The following FBXW2 variants were observed in gnomAD, a reference collection of about 807,000 sequenced individuals.
FBXW2 encodes F-box and WD repeat domain containing 2.
Under a neutral mutation model 46.0 loss-of-function variants are expected in FBXW2, and 12 were observed. The ratio of observed to expected loss-of-function variants is 0.26; its 90% confidence interval spans 0.17 to 0.42. FBXW2 has a LOEUF of 0.42. Ranked by LOEUF, FBXW2 falls within the 10% of genes least tolerant of loss-of-function variation. The pLI, the probability that FBXW2 is intolerant of heterozygous loss-of-function variation, is 1.00. For synonymous variants in FBXW2, 203 were observed against 209.6 expected (o/e 0.97, Z 0.27); for missense variants, 360 against 537.0 (o/e 0.67, Z 3.26).
At chr9:120,781,540 T>C (rs993160524) in intron 3 of FBXW2, among the ~76,000 whole-genome samples, 11 of 151,576 alleles carry the variant, frequency 7.3e-5, no homozygotes, top group African/African-American at 2.7e-4. Flanking sequence ...GGAAAAAGGT[T>C]TGAAGGGGGG....
intron 7 of FBXW2, 116 bp downstream of exon 7, chr9:120,771,232 T>A (rs2044368947): frequency 1.2e-6 from 1 of 847,346 alleles, no homozygotes; most frequent in Non-Finnish European, 1.8e-6. Flanking sequence ...AGTGATACAG[T>A]ATACATTTCC....
chr9:120,761,273 C>T lies in FBXW2; in HGVS notation c.*3286G>A, dbSNP rs1477108687. On this transcript the variant is annotated 3_prime_UTR_variant, in exon 8 of 8. Transcript: ENST00000608872. ...CAGCTCTCCTGGATCCCTGTCCACACCATGAAGCCTGAAGTTGTTATGATG... is the reference window on the plus strand; with the variant it reads ...CAGCTCTCCTGGATCCCTGTCCACATCATGAAGCCTGAAGTTGTTATGATG... 4 of 152,218 alleles carry T rather than the reference C, an allele frequency of 2.6e-5. No homozygotes were observed. In the South Asian group the frequency reaches 6.2e-4, roughly 24 times the overall value. The allele number at this position is 152,218 out of a possible 1,614,324, so 9.4% of individuals were successfully genotyped here. A position where few individuals can be genotyped will look rare whatever the true frequency, so the allele number is the denominator to read the frequency against.
intron 6 of FBXW2, among the ~76,000 whole-genome samples, chr9:120,772,156 T>C (rs1039266208): frequency 1.1e-4 from 17 of 151,478 alleles, no homozygotes; most frequent in South Asian, 2.1e-4. Flanking sequence ...TATGTTTTCA[T>C]AGTTCAGATC....
chr9:120,785,598 C>T (rs1458963317), intron 3 of FBXW2, among the ~76,000 whole-genome samples: 5 of 152,042 alleles, frequency 3.3e-5, no homozygotes, highest in Admixed American at 6.5e-5. Context: ...CATTGTAAAA[C>T]GGTCTTGAGA....
In FBXW2 at chr9:120,764,817, C is replaced by T. The variant is rs368306574; in HGVS notation, c.1107G>A (p.Leu369=). ...AGATATCTCCAAAGCCAAGCAAGGCCAAGTTTGCTATCTCAGGAGTCTTGA... is the reference window on the plus strand; with the variant it reads ...AGATATCTCCAAAGCCAAGCAAGGCTAAGTTTGCTATCTCAGGAGTCTTGA... ...RVIKTPEIAN[L]ALLGFGDIFA... is the part of the protein sequence containing the mutation. The change falls in exon 8 of 8, where the codon TTG becomes TTA. Residue 369 remains leucine (L), a synonymous_variant. Transcript: ENST00000608872. The T allele has an allele frequency of 2.3e-5, 36 of 1,597,306 alleles. No homozygotes were observed. Among genetic ancestry groups the T allele is most frequent in the African/African-American group, 1.6e-4 (12 of 74,790 alleles).
At chr9:120,775,264 G>A (rs950000862) in intron 5 of FBXW2, among the ~76,000 whole-genome samples, 2 of 152,092 alleles carry the variant, frequency 1.3e-5, no homozygotes, top group African/African-American at 4.8e-5. Context: ...GGCTGGCCTC[G>A]AACTCCTGGG....
intron 3 of FBXW2, among the ~76,000 whole-genome samples, chr9:120,786,568 T>C (rs2044727826): frequency 6.6e-6 from 1 of 152,204 alleles, no homozygotes; most frequent in Non-Finnish European, 1.5e-5. Flanking sequence ...TATGCATTAA[T>C]ATGGAAATGG....
intron 3 of FBXW2, 76 bp from the exon 4 acceptor site, chr9:120,778,621 G>T: frequency 7.7e-7 from 1 of 1,291,854 alleles, no homozygotes; most frequent in Non-Finnish European, 1.1e-6. Flanking sequence ...AAATCATGGT[G>T]TTCTTCAAGA....
chr9:120,762,419 T>TA lies in FBXW2; in HGVS notation c.*2139dup, dbSNP rs2044210589. On this transcript the variant is annotated 3_prime_UTR_variant, in exon 8 of 8. Coordinates refer to ENST00000608872, the MANE Select transcript of FBXW2 (RefSeq NM_012164.4). ...AAAGTCTCCTGGGGCTTCTGCAAAA[T>TA]AGATTCAGTTGTGATTCCGGTTCTA... 6.6e-6 allele frequency: 1 copy of TA among 152,016 alleles called. No individual in the cohort carries two copies. Among genetic ancestry groups the TA allele is most frequent in the Non-Finnish European group, 1.5e-5 (1 of 68,020 alleles). The allele number at this position is 152,016 out of a possible 1,614,324, so 9.4% of individuals were successfully genotyped here.
intron 6 of FBXW2, among the ~76,000 whole-genome samples, chr9:120,772,544 ATTTC>A (rs2044402449): frequency 6.6e-6 from 1 of 152,140 alleles, no homozygotes; most frequent in African/African-American, 2.4e-5. Flanking sequence ...ATTTATGTGA[ATTTC>A]TTTTTCATTT....
At chr9:120,791,334 T>C (rs1048007872) in intron 2 of FBXW2, among the ~76,000 whole-genome samples, 1 of 152,204 alleles carries the variant, frequency 6.6e-6, no homozygotes, top group African/African-American at 2.4e-5. Context: ...TCAAGGACAG[T>C]TGGACACAGA....
chr9:120,791,905 G>A (rs2131389781), intron 2 of FBXW2, among the ~76,000 whole-genome samples: 1 of 152,216 alleles, frequency 6.6e-6, no homozygotes, highest in East Asian at 1.9e-4. Context: ...AGTGGGTCAT[G>A]CAACAAAAAG....
At chr9:120,768,555 G>C (rs1002590455) in intron 7 of FBXW2, among the ~76,000 whole-genome samples, 3 of 152,128 alleles carry the variant, frequency 2.0e-5, no homozygotes, top group African/African-American at 7.2e-5. Flanking sequence ...AGCCGGGTGC[G>C]GTGGCTCATG....
In FBXW2 at chr9:120,793,132, T is replaced by A. The variant is rs1379076140; in HGVS notation, c.-21+17A>T. The stretch of plus-strand genomic sequence containing the variant: ...CAGGTCCCTTGCTCTCGGAATCGTG[T>A]TCCGCGCGGCACTGACCTGAGCGAG... On this transcript the variant is annotated intron_variant, in intron 2 of 7. Transcript: ENST00000608872. The A allele has an allele frequency of 1.5e-6, 1 of 665,000 alleles. No homozygotes were observed. The highest frequency in any genetic ancestry group is 2.6e-6 in the Non-Finnish European group (1 of 384,092). The allele number at this position is 665,000 out of a possible 1,614,324, so 41.2% of individuals were successfully genotyped here. A position where few individuals can be genotyped will look rare whatever the true frequency, so the allele number is the denominator to read the frequency against.
chr9:120,778,290 T>A, intron 4 of FBXW2, 61 bp downstream of exon 4: 2 of 1,430,958 alleles, frequency 1.4e-6, no homozygotes, highest in South Asian at 2.7e-5. Context: ...TTCACATTCT[T>A]GGCTCCTGGC....
intron 3 of FBXW2, among the ~76,000 whole-genome samples, 187 bp downstream of exon 3, chr9:120,787,582 A>G (rs929054892): frequency 3.9e-5 from 6 of 152,140 alleles, no homozygotes; most frequent in African/African-American, 1.4e-4. Context: ...ATTTTATAAA[A>G]ATGATTGTGT....
rs369087189 is a variant in FBXW2, at chr9:120,788,807, T to C, written c.-20-529A>G. ...CAGGCACAACCTGTCACCAAAATCA[T>C]AGAACTGACTACTTGGTTTTGCAAC... On this transcript the variant is annotated intron_variant, in intron 2 of 7. Transcript: ENST00000608872. Among the ~76,000 whole-genome samples, 73 of 152,264 alleles carry C rather than the reference T, an allele frequency of 4.8e-4. 1 individual carries two copies. The highest frequency in any genetic ancestry group is 1.6e-3 in the African/African-American group (66 of 41,548).
At chr9:120,764,868 G>A (rs761417270) in intron 7 of FBXW2, 21 bp from the exon 8 acceptor site, 6 of 1,513,850 alleles carry the variant, frequency 4.0e-6, no homozygotes, top group Non-Finnish European at 3.5e-6. Context: ...GAGAGTTAGG[G>A]ACTGTGAAAG....
chr9:120,776,306 TC>T, intron 4 of FBXW2, 80 bp from the exon 5 acceptor site: 1 of 1,472,960 alleles, frequency 6.8e-7, no homozygotes, highest in Non-Finnish European at 9.1e-7. Context: ...ATGTTTATTT[TC>T]CCCAATTATA....
Sources: allele counts gnomAD v4.1 joint callset (sites outside exome capture counted in the v4.1 genomes callset), GRCh38; gene constraint gnomAD v4.1.1; transcripts MANE v1.5; gene names NCBI Gene and HGNC (gene_info 2026-07-23, HGNC 2026-07-21).